The following ACOX1 variants were observed in gnomAD, a reference collection of about 807,000 sequenced individuals.
The protein encoded by ACOX1 is peroxisomal acyl-coenzyme A oxidase 1.
In ACOX1, 41 loss-of-function variants were observed where a neutral mutation model predicts 75.5. The observed-to-expected ratio is 0.54, with a 90% CI of 0.42 to 0.70. ACOX1 has a LOEUF of 0.70. ACOX1 is among the 30% of genes least tolerant of loss of function. ACOX1 has a pLI of 0.00. For synonymous variants in ACOX1, 303 were observed against 298.8 expected (o/e 1.01, Z -0.15); for missense variants, 630 against 837.5 (o/e 0.75, Z 3.06).
chr17:75,973,650 G>A, intron 2 of ACOX1: 1 of 1,614,218 alleles, frequency 6.2e-7, no homozygotes, highest in Non-Finnish European at 8.5e-7. Flanking sequence ...TCTGGGCGTA[G>A]GTGCCAATTA....
chr17:75,943,584 C>T lies in ACOX1; in HGVS notation c.*3164G>A, dbSNP rs1425332254. 2 of 152,136 alleles carry T rather than the reference C, an allele frequency of 1.3e-5. No homozygotes were observed. Among genetic ancestry groups the T allele is most frequent in the African/African-American group, 2.4e-5 (1 of 41,418 alleles). 9.4% of individuals were successfully genotyped at this position (152,136 alleles called of 1,614,324 possible). A position where few individuals can be genotyped will look rare whatever the true frequency, so the allele number is the denominator to read the frequency against. ...GTTAACTTTAGGAACTATAAAATGC[C>T]TTCAGGTGTATGTGATCTGAAATTA... On this transcript the variant is annotated 3_prime_UTR_variant, in exon 14 of 14. Transcript: ENST00000293217.
rs1334417178 is a variant in ACOX1, at chr17:75,978,252, G to A, written c.269+282C>T. Among the ~76,000 whole-genome samples the A allele has an allele frequency of 1.3e-5, 2 of 151,926 alleles. No individual in the cohort carries two copies. The highest frequency in any genetic ancestry group is 2.9e-5 in the Non-Finnish European group (2 of 67,962). On this transcript the variant is annotated intron_variant, in intron 2 of 13. Transcript: ENST00000293217. The surrounding 1 kb of genome is among the most constrained non-coding windows in gnomAD (Gnocchi z 4.2). ...TGGAACTACAGGCGCCCGCCACCAC[G>A]CCCGGCTAATTTTTGTATTTTCAGT...
rs9909681 is a variant in ACOX1, at chr17:75,969,046, G to A, written c.270-8671C>T. 2.0e-4 allele frequency among the ~76,000 whole-genome samples: 30 copies of A among 152,306 alleles called. 1 individual carries two copies. Among genetic ancestry groups the A allele is most frequent in the Admixed American group, 8.5e-4 (13 of 15,274 alleles). On this transcript the variant is annotated intron_variant, in intron 2 of 13. Transcript: ENST00000293217. ...ATTGTCAACTGGTTCTGTGTTTCAG[G>A]AAAAGCCTCAAACTATGCAGCAAAA...
At chr17:75,966,794 T>C (rs918265317) in intron 2 of ACOX1, among the ~76,000 whole-genome samples, 2 of 151,216 alleles carry the variant, frequency 1.3e-5, no homozygotes, top group African/African-American at 2.4e-5. Flanking sequence ...TGCGAGATTC[T>C]GTCTCAAAAA....
rs2065751906 is a variant in ACOX1, at chr17:75,949,343, C to T, written c.1602G>A (p.Val534=). ...GTTTTTCTGAAAAGAGCTTAACTAC[C>T]ACATAGTGGCAATGTGCCTAAGATT... is the stretch of plus-strand genomic sequence containing the variant. ...VRASEAHCHY[V]VVKLFSEKLL... The change falls in exon 12 of 14, where the codon GTG becomes GTA. Residue 534 remains valine, a synonymous_variant. Transcript: ENST00000293217. 1 of 1,613,918 alleles carries T rather than the reference C, an allele frequency of 6.2e-7. No homozygotes were observed. The highest frequency in any genetic ancestry group is 1.1e-5 in the South Asian group (1 of 91,074).
chr17:75,967,682 GTATATATA>G (rs1491170774), intron 2 of ACOX1, among the ~76,000 whole-genome samples: 38 of 90,806 alleles, frequency 4.2e-4, no homozygotes, highest in African/African-American at 2.6e-3. Flanking sequence ...ATATATATAC[GTATATATA>G]TACATACATA....
At chr17:75,948,148 G>T in intron 13 of ACOX1, 103 bp downstream of exon 13, 1 of 1,196,966 alleles carries the variant, frequency 8.4e-7, no homozygotes, top group Non-Finnish European at 1.2e-6. Context: ...AGTGGCCATG[G>T]TACTTTCAGA....
chr17:75,948,144 C>T, intron 13 of ACOX1, 107 bp downstream of exon 13: 1 of 1,141,974 alleles, frequency 8.8e-7, no homozygotes, highest in Non-Finnish European at 1.3e-6. Flanking sequence ...CAGAAGTGGC[C>T]ATGGTACTTT....
intron 2 of ACOX1, among the ~76,000 whole-genome samples, chr17:75,968,414 C>T (rs1189333698): frequency 9.4e-6 from 1 of 106,618 alleles, no homozygotes; most frequent in African/African-American, 4.6e-5. Context: ...CCAGCCTGGG[C>T]GACAGAGCGA....
In ACOX1 at chr17:75,960,265, G is replaced by A; in HGVS notation, c.380C>T (p.Ala127Val). Residue 127 changes from alanine (A) to valine (V), a missense_variant, in exon 3 of 14, where the codon GCC (alanine) becomes GTC (valine). Physicochemically the swap from Ala to Val is moderately conservative, Grantham distance 64 (BLOSUM62 0). This residue lies in a region of ACOX1 where 390 missense variants were observed against 574.9 expected (regional missense o/e 0.68). Coordinates refer to ENST00000293217, the MANE Select transcript of ACOX1 (RefSeq NM_004035.7). This position sits in a 1 kb window ranked among gnomAD's most constrained non-coding sequence, Gnocchi z 4.4. Reference protein sequence around the residue: ...AEQQERFFMPAWNLEIIGTYA... With the variant: ...AEQQERFFMPVWNLEIIGTYA... ...AGTGCCAATGATCTCCAAGTTCCAGGCGGGCATGAAGAAGCGCTCCTGCTG... is the reference window on the plus strand; with the variant it reads ...AGTGCCAATGATCTCCAAGTTCCAGACGGGCATGAAGAAGCGCTCCTGCTG... 6.2e-7 allele frequency: 1 copy of A among 1,614,160 alleles called. No homozygotes were observed. Among genetic ancestry groups the A allele is most frequent in the Non-Finnish European group, 8.5e-7 (1 of 1,180,024 alleles).
At position 75,959,201 on chromosome 17, in the gene ACOX1, T is replaced by C. The variant is rs111942777; in HGVS notation, c.430+1014A>G. 1.9e-3 allele frequency among the ~76,000 whole-genome samples: 296 copies of C among 152,302 alleles called. 2 individuals are homozygous for C. Among genetic ancestry groups the C allele is most frequent in the African/African-American group, 6.9e-3 (287 of 41,566 alleles). On this transcript the variant is annotated intron_variant, in intron 3 of 13. Transcript: ENST00000293217. Reference sequence around the variant, plus strand: ...TTGAAACATTTAGAAGCTTCCAAGTTGAATAACCAACTTATGTGCAATCCA... The same window carrying C: ...TTGAAACATTTAGAAGCTTCCAAGTCGAATAACCAACTTATGTGCAATCCA...
rs2066070872 is a variant in ACOX1, at chr17:75,978,001, T to C, written c.269+533A>G. ...GAACAAAAACTCCTGCATTTCCATT[T>C]ATTATCAGCATTCTACAAACACGTC... On this transcript the variant is annotated intron_variant, in intron 2 of 13. Transcript: ENST00000293217. This position sits in a 1 kb window ranked among gnomAD's most constrained non-coding sequence, Gnocchi z 4.2. Among the ~76,000 whole-genome samples, 1 of 152,224 alleles carries C rather than the reference T, an allele frequency of 6.6e-6. No homozygotes were observed. Among genetic ancestry groups the C allele is most frequent in the Admixed American group, 6.5e-5 (1 of 15,276 alleles).
At position 75,944,469 on chromosome 17, in the gene ACOX1, T is replaced by C. The variant is rs2065702003; in HGVS notation, c.*2279A>G. 1 of 152,152 alleles carries C rather than the reference T, an allele frequency of 6.6e-6. No individual in the cohort carries two copies. The allele number at this position is 152,152 out of a possible 1,614,324, so 9.4% of individuals were successfully genotyped here. On this transcript the variant is annotated 3_prime_UTR_variant, in exon 14 of 14. Coordinates refer to ENST00000293217, the MANE Select transcript of ACOX1 (RefSeq NM_004035.7). ...TAAAGTGACTGGAGCCACTCACAAC[T>C]ATTGGTACAACTGCAGTAATTACAG...
intron 2 of ACOX1, chr17:75,973,728 A>G (rs1363166045): frequency 6.2e-7 from 1 of 1,614,188 alleles, no homozygotes; most frequent in East Asian, 2.2e-5. Context: ...TCAGCAAGGT[A>G]GGAATAAACA....
Position 75,944,805 on chromosome 17 carries a change from T to A in ACOX1, c.*1943A>T, listed in dbSNP as rs1477957644. 6.6e-6 allele frequency: 1 copy of A among 152,172 alleles called. No homozygotes were observed. The highest frequency in any genetic ancestry group is 1.5e-5 in the Non-Finnish European group (1 of 68,036). 9.4% of individuals were successfully genotyped at this position (152,172 alleles called of 1,614,324 possible). A position where few individuals can be genotyped will look rare whatever the true frequency, so the allele number is the denominator to read the frequency against. On this transcript the variant is annotated 3_prime_UTR_variant, in exon 14 of 14. Transcript: ENST00000293217. ...CCCAGGCTGCAGTGTAGTGGCACCATCTTGGCTCACTGCAACCTCTACCCG... is the reference window on the plus strand; with the variant it reads ...CCCAGGCTGCAGTGTAGTGGCACCAACTTGGCTCACTGCAACCTCTACCCG...
Position 75,950,945 on chromosome 17 carries a change from C to T in ACOX1, c.1127G>A (p.Gly376Glu). 1 of 1,614,150 alleles carries T rather than the reference C, an allele frequency of 6.2e-7. No individual in the cohort carries two copies. The highest frequency in any genetic ancestry group is 8.5e-7 in the Non-Finnish European group (1 of 1,180,006). Residue 376 changes from glycine (G) to glutamate (E), a missense_variant, in exon 9 of 14, where the codon GGA (glycine) becomes GAA (glutamate). Gly to Glu is a moderately conservative substitution (Grantham distance 98, BLOSUM62 -2). Around this residue, in one of 2 missense-constraint regions of ACOX1, gnomAD observed 390 missense variants for 574.9 expected, o/e 0.68. Transcript: ENST00000293217. The surrounding 1 kb of genome is among the most constrained non-coding windows in gnomAD (Gnocchi z 4.3). ...AGTCCAGGAGGTGAAAGCCTTCAGT[C>T]CAGCGGTGAGGGCATGAAGCTGAGA... ...ELPELHALTA[G>E]LKAFTSWTAN...
Position 75,966,541 on chromosome 17 carries a change from C to T in ACOX1, c.270-6166G>A, listed in dbSNP as rs184917091. On this transcript the variant is annotated intron_variant, in intron 2 of 13. Transcript: ENST00000293217. ...AGTCTTGGCTGGGCACGGTGGCTCA[C>T]GCCTGTAATCCCAGCATTCTGGGAG... Among the ~76,000 whole-genome samples the T allele has an allele frequency of 1.4e-3, 209 of 148,376 alleles. 1 individual carries two copies. The highest frequency in any genetic ancestry group is 5.0e-3 in the African/African-American group (202 of 40,428).
rs2065754386 is a variant in ACOX1 at position 75,949,553 on chromosome 17, C to T, written c.1526G>A (p.Arg509Lys). The change falls in exon 11 of 14, where the codon AGA (arginine) becomes AAA (lysine). Residue 509 changes from arginine to lysine, a missense_variant. Arg to Lys is a conservative substitution (Grantham distance 26, BLOSUM62 2). Transcript: ENST00000293217. ...AKNLQKEVIH[R>K]KSKEVAWNLT... The stretch of plus-strand genomic sequence containing the variant: ...GTTCCAAGCTACCTCCTTGCTTTTT[C>T]TGTGAATCACTTCTTTTTGAAGGTT... 4 of 1,614,060 alleles carry T rather than the reference C, an allele frequency of 2.5e-6. No homozygotes were observed. Among genetic ancestry groups the T allele is most frequent in the African/African-American group, 1.3e-5 (1 of 74,922 alleles).
rs2065768652 is a variant in ACOX1, at chr17:75,950,943, G to C, written c.1129C>G (p.Leu377Val). Residue 377 changes from leucine (L) to valine (V), a missense_variant, in exon 9 of 14, where the codon CTG (leucine) becomes GTG (valine). Transcript: ENST00000293217. This position sits in a 1 kb window ranked among gnomAD's most constrained non-coding sequence, Gnocchi z 4.3. ...GCAGTCCAGGAGGTGAAAGCCTTCA[G>C]TCCAGCGGTGAGGGCATGAAGCTGA... ...LPELHALTAGLKAFTSWTANT... is the reference protein window; with the variant it reads ...LPELHALTAGVKAFTSWTANT... The C allele has an allele frequency of 6.2e-7, 1 of 1,614,144 alleles. No homozygotes were observed. Among genetic ancestry groups the C allele is most frequent in the Non-Finnish European group, 8.5e-7 (1 of 1,180,008 alleles).
Sources: allele counts gnomAD v4.1 joint callset (sites outside exome capture counted in the v4.1 genomes callset), GRCh38; gene constraint gnomAD v4.1.1; regional missense constraint gnomAD v4.1.1; non-coding constraint Gnocchi (gnomAD v3.1); transcripts MANE v1.5; gene names NCBI Gene and HGNC (gene_info 2026-07-23, HGNC 2026-07-21).